The following FGF1 variants were observed in gnomAD, a reference collection of about 807,000 sequenced individuals.
The protein encoded by FGF1 is beta-endothelial cell growth factor.
Under a neutral mutation model 13.4 loss-of-function variants are expected in FGF1, and 9 were observed. The observed-to-expected ratio is 0.67, with a 90% CI of 0.40 to 1.17. The LOEUF (loss-of-function observed/expected upper bound fraction) is 1.17. FGF1 is among the 50% of genes most tolerant of loss of function. FGF1 has a pLI of 0.01. For synonymous variants in FGF1, 93 were observed against 79.0 expected (o/e 1.18, Z -0.94); for missense variants, 156 against 192.7 (o/e 0.81, Z 1.13).
At chr5:142,674,638 C>T (rs1017784237) in intron 1 of FGF1, among the ~76,000 whole-genome samples, 2 of 152,064 alleles carry the variant, frequency 1.3e-5, no homozygotes, top group African/African-American at 4.8e-5. Flanking sequence ...ATCTTGGCTC[C>T]GGAAAAACAC....
intron 1 of FGF1, among the ~76,000 whole-genome samples, chr5:142,671,195 C>T (rs114309675): frequency 3.2e-3 from 487 of 152,270 alleles, no homozygotes; most frequent in African/African-American, 0.01. Context: ...GTAAGGAAAA[C>T]ATATATTCAA....
At position 142,665,780 on chromosome 5, in the gene FGF1, A is replaced by G. The variant is rs145086979; in HGVS notation, c.-35+20177T>C. Among the ~76,000 whole-genome samples, 170 of 152,312 alleles carry G rather than the reference A, an allele frequency of 1.1e-3. 1 individual carries two copies. Among genetic ancestry groups the G allele is most frequent in the African/African-American group, 3.7e-3 (154 of 41,572 alleles). ...TCTACAGTGATCCTAAGAGGATCAC[A>G]GGTACGTAGCTCTCCTCTTCAAGCA... On this transcript the variant is annotated intron_variant, in intron 1 of 3. Transcript: ENST00000337706.
chr5:142,656,904 A>ATT (rs59585922), intron 1 of FGF1, among the ~76,000 whole-genome samples: 3,398 of 151,380 alleles, frequency 0.022, 124 homozygotes, highest in African/African-American at 0.078. Flanking sequence ...TACTGCAGGT[A>ATT]TTTTTTTTTA....
intron 1 of FGF1, among the ~76,000 whole-genome samples, chr5:142,640,190 C>T (rs766902943): frequency 2.0e-5 from 3 of 151,920 alleles, no homozygotes; most frequent in Non-Finnish European, 4.4e-5. Context: ...TTCATTAATT[C>T]GTTCAACAAA....
intron 3 of FGF1, among the ~76,000 whole-genome samples, chr5:142,598,629 C>A (rs1231014312): frequency 6.6e-6 from 1 of 152,096 alleles, no homozygotes; most frequent in Non-Finnish European, 1.5e-5. Flanking sequence ...TATACATATC[C>A]TTTCCACACA....
intron 1 of FGF1, among the ~76,000 whole-genome samples, chr5:142,669,765 C>T (rs1305053682): frequency 1.3e-5 from 2 of 152,108 alleles, no homozygotes; most frequent in African/African-American, 4.8e-5. Flanking sequence ...ACAGGAGAAG[C>T]AGAGCAGAGG....
chr5:142,602,238 G>T (rs1052914508), intron 2 of FGF1, among the ~76,000 whole-genome samples: 1 of 151,462 alleles, frequency 6.6e-6, no homozygotes, highest in Admixed American at 6.6e-5. Flanking sequence ...GTGCAGTGGC[G>T]CGATCTCGGC....
chr5:142,657,430 G>A (rs1260781690), intron 1 of FGF1, among the ~76,000 whole-genome samples: 1 of 152,050 alleles, frequency 6.6e-6, no homozygotes, highest in Non-Finnish European at 1.5e-5. Context: ...CACCTCTCAG[G>A]CATCCCCAGC....
At chr5:142,684,599 A>C (rs917706394) in intron 1 of FGF1, among the ~76,000 whole-genome samples, 1 of 152,226 alleles carries the variant, frequency 6.6e-6, no homozygotes, top group East Asian at 1.9e-4. Context: ...GGAAGCCCTC[A>C]AAGACCAACA....
intron 1 of FGF1, among the ~76,000 whole-genome samples, chr5:142,618,088 G>A (rs911760417): frequency 2.6e-5 from 4 of 152,140 alleles, no homozygotes; most frequent in African/African-American, 7.2e-5. Flanking sequence ...GTGTTGTGCT[G>A]GGAAATGGAG....
intron 1 of FGF1, among the ~76,000 whole-genome samples, chr5:142,616,677 C>T (rs766410067): frequency 1.3e-5 from 2 of 152,064 alleles, no homozygotes; most frequent in African/African-American, 4.8e-5. Context: ...TCTCCACTCA[C>T]TCCTCTCTCC....
At chr5:142,657,877 G>C (rs973010160) in intron 1 of FGF1, among the ~76,000 whole-genome samples, 2 of 152,098 alleles carry the variant, frequency 1.3e-5, no homozygotes, top group African/African-American at 4.8e-5. Flanking sequence ...CCACCTTTTG[G>C]AGTGTGGTGT....
chr5:142,678,369 C>G (rs1439797312), intron 1 of FGF1, among the ~76,000 whole-genome samples: 2 of 152,174 alleles, frequency 1.3e-5, no homozygotes, highest in Non-Finnish European at 2.9e-5. Context: ...ATCATGCCAA[C>G]AACAGCTGAG....
At position 142,594,000 on chromosome 5, in the gene FGF1, C is replaced by T. The variant is rs761110393; in HGVS notation, c.*1290G>A. ...TTTGAAGTATGTTTTTGTATATCTT[C>T]GAAATGGGCATTTTATAGGCATTGG... On this transcript the variant is annotated 3_prime_UTR_variant, in exon 4 of 4. Transcript: ENST00000337706. The T allele has an allele frequency of 4.6e-5, 7 of 152,588 alleles. No individual in the cohort carries two copies. Among genetic ancestry groups the T allele is most frequent in the Admixed American group, 6.5e-5 (1 of 15,268 alleles). The allele number at this position is 152,588 out of a possible 1,614,324, so 9.5% of individuals were successfully genotyped here.
At chr5:142,623,706 T>C (rs998194710) in intron 1 of FGF1, among the ~76,000 whole-genome samples, 1 of 151,980 alleles carries the variant, frequency 6.6e-6, no homozygotes, top group African/African-American at 2.4e-5. Flanking sequence ...AAGCTTGATT[T>C]TTCATATTTA....
intron 2 of FGF1, among the ~76,000 whole-genome samples, chr5:142,607,355 A>G (rs1318706816): frequency 3.9e-5 from 6 of 152,168 alleles, no homozygotes; most frequent in Non-Finnish European, 8.8e-5. Flanking sequence ...CCATACGGGG[A>G]TCTAGGAGTT....
At chr5:142,678,161 C>T (rs7705224) in intron 1 of FGF1, among the ~76,000 whole-genome samples, 1 of 152,070 alleles carries the variant, frequency 6.6e-6, no homozygotes, top group Non-Finnish European at 1.5e-5. Flanking sequence ...ATCTTACCCC[C>T]CAAGAGGCCT....
At chr5:142,617,905 G>A (rs1486553523) in intron 1 of FGF1, among the ~76,000 whole-genome samples, 3 of 152,162 alleles carry the variant, frequency 2.0e-5, no homozygotes, top group Admixed American at 1.3e-4. Flanking sequence ...AGTATATGGC[G>A]TGATAAAACC....
rs535018381 is a variant in FGF1, at chr5:142,697,108, T to A, written c.-35+514A>T. On this transcript the variant is annotated intron_variant, in intron 2 of 4. Transcript: ENST00000407758. ...CCAGAGAAAGGAACTCTTGAATCTG[T>A]TAAGTATGTTTTGCAGGGCTCTAAG... 3.9e-5 allele frequency among the ~76,000 whole-genome samples: 6 copies of A among 152,270 alleles called. No individual in the cohort carries two copies. In the South Asian group the frequency reaches 8.3e-4, roughly 21 times the overall value.
Sources: gnomAD v4.1 joint callset for allele counts (sites outside exome capture counted in the v4.1 genomes callset) on GRCh38, gnomAD v4.1.1 for gene constraint, MANE v1.5 for transcripts, NCBI Gene and HGNC (gene_info 2026-07-23, HGNC 2026-07-21) for gene names.